SH2B2: variants seen among roughly 807,000 people sequenced by gnomAD.
SH2B2 encodes SH2B adapter protein 2.
Under a neutral mutation model 35.7 loss-of-function variants are expected in SH2B2, and 37 were observed. The ratio of observed to expected loss-of-function variants is 1.04; its 90% CI spans 0.80 to 1.36. The LOEUF (loss-of-function observed/expected upper bound fraction) is 1.36. Ranked by LOEUF, SH2B2 falls within the 40% of genes most tolerant of loss-of-function variation. SH2B2 has a pLI of 0.00. For missense variants in SH2B2, 852 were observed against 817.7 expected, an observed-to-expected ratio of 1.04 and a Z score of -0.51; for synonymous variants, 383 against 376.4, an observed-to-expected ratio of 1.02 and a Z score of -0.20.
intron 4 of SH2B2, among the ~76,000 whole-genome samples, chr7:102,310,490 G>A (rs544931325): frequency 2.2e-4 from 34 of 152,128 alleles, no homozygotes; most frequent in African/African-American, 6.0e-4. Context: ...GGGCAGTTAC[G>A]GTCAGCTGTG....
rs528780795 is a variant in SH2B2, at chr7:102,300,848, G to C, written c.298G>C (p.Glu100Gln). ...CGTGAGCGCAGAGGCCATGGAGCCG[G>C]AGCTCGCGGACACCTCTGCACTCAA... Reference protein sequence around the residue: ...AAVSAEAMEPELADTSALKAA... With the variant: ...AAVSAEAMEPQLADTSALKAA... Residue 100 changes from glutamate (E) to glutamine (Q), a missense_variant, in exon 2 of 9, where the codon GAG (glutamate) becomes CAG (glutamine). Coordinates refer to ENST00000444095, the MANE Select transcript of SH2B2 (RefSeq NM_001359228.2). 6.9e-7 allele frequency: 1 copy of C among 1,459,332 alleles called. No homozygotes were observed. Among genetic ancestry groups the C allele is most frequent in the East Asian group, 2.6e-5 (1 of 38,988 alleles). The allele number at this position is 1,459,332 out of a possible 1,614,324, so 90.4% of individuals were successfully genotyped here.
upstream of SH2B2, chr7:102,285,214 C>A: frequency 6.4e-7 from 1 of 1,551,286 alleles, no homozygotes; most frequent in Non-Finnish European, 8.7e-7. Context: ...CCTCTCTGGC[C>A]GCTATCATCC....
At chr7:102,306,861 C>A in intron 3 of SH2B2, 39 bp downstream of exon 3, 1 of 1,458,426 alleles carries the variant, frequency 6.9e-7, no homozygotes, top group East Asian at 2.5e-5. Flanking sequence ...CCTCCAGCTG[C>A]CCCAGGCCAC....
At chr7:102,320,982 T>C (rs368181145) in intron 8 of SH2B2, among the ~76,000 whole-genome samples, 2 of 146,354 alleles carry the variant, frequency 1.4e-5, no homozygotes, top group East Asian at 1.9e-4. Flanking sequence ...TGTGTGCGCA[T>C]ATGCATGAGC....
chr7:102,321,335 C>G lies in SH2B2; in HGVS notation c.1604C>G (p.Pro535Arg). 1.4e-6 allele frequency: 2 copies of G among 1,437,444 alleles called. No homozygotes were observed. The highest frequency in any genetic ancestry group is 1.4e-5 in the South Asian group (1 of 73,490). 89.0% of individuals were successfully genotyped at this position (1,437,444 alleles called of 1,614,324 possible). A position where few individuals can be genotyped will look rare whatever the true frequency, so the allele number is the denominator to read the frequency against. Residue 535 changes from proline (P) to arginine (R), a missense_variant, in exon 9 of 9, where the codon CCG becomes CGG. Coordinates refer to ENST00000444095, the MANE Select transcript of SH2B2 (RefSeq NM_001359228.2). Reference sequence around the variant, plus strand: ...ACGCCCCCTGCCGCGCCCGCGTCCCCGGCCTGCTGGAGCGACTCGCCCGGC... The same window carrying G: ...ACGCCCCCTGCCGCGCCCGCGTCCCGGGCCTGCTGGAGCGACTCGCCCGGC... ...GPTPPAAPAS[P>R]ACWSDSPGQH...
At position 102,301,195 on chromosome 7, in the gene SH2B2, G is replaced by C. The variant is rs782262846; in HGVS notation, c.645G>C (p.Ser215=). The part of the protein sequence containing the change: ...ADDAAAGSGG[S]AQWQKCRLLL... ...ACGCGGCCGCGGGCTCCGGGGGCTC[G>C]GCTCAGTGGCAGAAGTGCCGCCTGC... Residue 215 remains serine (S), a synonymous_variant, in exon 2 of 9, where the codon TCG becomes TCC. Coordinates refer to ENST00000444095, the MANE Select transcript of SH2B2 (RefSeq NM_001359228.2). 3.8e-6 allele frequency: 6 copies of C among 1,588,130 alleles called. No homozygotes were observed. Among genetic ancestry groups the C allele is most frequent in the Non-Finnish European group, 5.1e-6 (6 of 1,169,338 alleles).
intron 1 of SH2B2, among the ~76,000 whole-genome samples, chr7:102,291,748 C>T (rs1326543001): frequency 2.6e-5 from 4 of 152,158 alleles, no homozygotes; most frequent in South Asian, 2.1e-4. Context: ...AGCAGTAACA[C>T]GGGCTTGAAA....
intron 3 of SH2B2, among the ~76,000 whole-genome samples, chr7:102,307,254 C>T (rs570966453): frequency 2.0e-5 from 3 of 152,278 alleles, no homozygotes; most frequent in Admixed American, 1.3e-4. Context: ...CAAGGGGGGG[C>T]GGGGAGGCAC....
At chr7:102,317,953 G>A (rs1793918237) in intron 7 of SH2B2, among the ~76,000 whole-genome samples, 1 of 152,084 alleles carries the variant, frequency 6.6e-6, no homozygotes, top group Non-Finnish European at 1.5e-5. Flanking sequence ...GGTCTAGGGG[G>A]TGGGGTTCAG....
chr7:102,315,099 A>G (rs2694146), intron 6 of SH2B2, among the ~76,000 whole-genome samples: 89,717 of 151,642 alleles, frequency 0.59, 26,608 homozygotes, highest in Admixed American at 0.66. Context: ...TGAGGCAGGA[A>G]AATCACTTGA....
intron 1 of SH2B2, among the ~76,000 whole-genome samples, chr7:102,289,161 G>T (rs1792574848): frequency 1.3e-5 from 2 of 152,232 alleles, no homozygotes; most frequent in Admixed American, 1.3e-4. Flanking sequence ...ATCGCTGTGT[G>T]GGCGTGCAGC....
rs34487939 is a variant in SH2B2, at chr7:102,300,880, GC to G, written c.333del (p.Tyr112ThrfsTer29). ...LADTSALKAAPYGHSRSSEDV... is the reference protein window; with the variant it reads ...LADTSALKAAXYGHSRSSEDV... ...CGGACACCTCTGCACTCAAGGCGGCGCCCTACGGCCACTCGCGGAGCTCGGA... is the reference window on the plus strand; with the variant it reads ...CGGACACCTCTGCACTCAAGGCGGCGCCTACGGCCACTCGCGGAGCTCGGA... On this transcript the variant is annotated frameshift_variant, in exon 2 of 9. Transcript: ENST00000444095. LOFTEE classifies it high-confidence loss of function. 2 of 1,462,186 alleles carry G rather than the reference GC, an allele frequency of 1.4e-6. No homozygotes were observed. The highest frequency in any genetic ancestry group is 1.8e-6 in the Non-Finnish European group (2 of 1,110,402). 90.6% of individuals were successfully genotyped at this position (1,462,186 alleles called of 1,614,324 possible). A position where few individuals can be genotyped will look rare whatever the true frequency, so the allele number is the denominator to read the frequency against.
At position 102,301,004 on chromosome 7, in the gene SH2B2, T is replaced by C; in HGVS notation, c.454T>C (p.Trp152Arg). The C allele has an allele frequency of 1.4e-6, 2 of 1,426,472 alleles. No homozygotes were observed. The highest frequency in any genetic ancestry group is 1.8e-6 in the Non-Finnish European group (2 of 1,092,300). 88.4% of individuals were successfully genotyped at this position (1,426,472 alleles called of 1,614,324 possible). A position where few individuals can be genotyped will look rare whatever the true frequency, so the allele number is the denominator to read the frequency against. ...CGTGGTGGACGGCGTGCGCGACATGTGGCACCGGCGCGCCTCGCCCGAGCC... is the reference window on the plus strand; with the variant it reads ...CGTGGTGGACGGCGTGCGCGACATGCGGCACCGGCGCGCCTCGCCCGAGCC... Reference protein sequence around the residue: ...LCVVDGVRDMWHRRASPEPDA... With the variant: ...LCVVDGVRDMRHRRASPEPDA... Residue 152 changes from tryptophan to arginine, a missense_variant, in exon 2 of 9, where the codon TGG becomes CGG. By Grantham distance (101) the Trp-to-Arg change is moderately radical. Transcript: ENST00000444095.
intron 1 of SH2B2, among the ~76,000 whole-genome samples, chr7:102,296,871 C>T (rs1474007995): frequency 1.3e-5 from 2 of 151,934 alleles, no homozygotes; most frequent in Non-Finnish European, 2.9e-5. Flanking sequence ...CTGAGCTACT[C>T]GGAAGGCTGA....
upstream of SH2B2, chr7:102,285,361 C>G (rs1371149749): frequency 1.2e-6 from 1 of 807,450 alleles, no homozygotes; most frequent in Non-Finnish European, 2.1e-6. Context: ...GGCACCCCCT[C>G]CTCCCCCTTC....
At chr7:102,312,509 T>C (rs1486097308) in intron 4 of SH2B2, among the ~76,000 whole-genome samples, 1 of 152,226 alleles carries the variant, frequency 6.6e-6, no homozygotes, top group South Asian at 2.1e-4. Context: ...CAGCCAGGCC[T>C]GTCTGTCCAG....
In SH2B2 at chr7:102,321,426, C is replaced by A; in HGVS notation, c.1695C>A (p.Gly565=). ...CPPASPSDAA[G]ASSSSASSSS... ...CTGCCTCGCCCTCCGACGCCGCCGG[C>A]GCCTCCTCGTCTTCCGCCTCGTCGT... Residue 565 remains glycine, a synonymous_variant, in exon 9 of 9, where the codon GGC becomes GGA. Coordinates refer to ENST00000444095, the MANE Select transcript of SH2B2 (RefSeq NM_001359228.2). The A allele has an allele frequency of 7.6e-7, 1 of 1,321,054 alleles. No individual in the cohort carries two copies. The allele number at this position is 1,321,054 out of a possible 1,614,324, so 81.8% of individuals were successfully genotyped here.
intron 3 of SH2B2, 133 bp from the exon 4 acceptor site, chr7:102,308,682 C>G: frequency 1.4e-6 from 1 of 713,596 alleles, no homozygotes; most frequent in South Asian, 1.6e-5. Context: ...CACTTTCTTT[C>G]CTGCTGCTCA....
intron 1 of SH2B2, among the ~76,000 whole-genome samples, chr7:102,291,901 T>G (rs1167034905): frequency 1.3e-5 from 2 of 152,082 alleles, no homozygotes; most frequent in African/African-American, 4.8e-5. Flanking sequence ...AAAGAGCATC[T>G]GTGTCCTGCC....
Sources: gnomAD v4.1 joint callset for allele counts (sites outside exome capture counted in the v4.1 genomes callset) on GRCh38, gnomAD v4.1.1 for gene constraint, MANE v1.5 for transcripts, NCBI Gene and HGNC (gene_info 2026-07-23, HGNC 2026-07-21) for gene names.